The following PITRM1 variants were observed in gnomAD, a reference collection of about 807,000 sequenced individuals.
PITRM1 encodes pitrilysin metallopeptidase 1.
Under a neutral mutation model 129.9 loss-of-function variants are expected in PITRM1, and 100 were observed. That is an observed-to-expected ratio of 0.77 (90% CI 0.65 to 0.91). The LOEUF is 0.91. Ranked by LOEUF, PITRM1 falls within the 40% of genes least tolerant of loss-of-function variation. PITRM1 has a pLI of 0.00. For missense variants in PITRM1, 1,471 were observed against 1,318.3 expected (o/e 1.12, Z -1.79); for synonymous variants, 591 against 508.8 (o/e 1.16, Z -2.17).
intron 14 of PITRM1, among the ~76,000 whole-genome samples, chr10:3,154,497 A>G (rs1841801746): frequency 1.3e-5 from 2 of 152,198 alleles, no homozygotes. Flanking sequence ...TAGTCATTCT[A>G]GTAGGTGTAT....
intron 13 of PITRM1, 39 bp downstream of exon 13, chr10:3,156,891 A>G: frequency 1.5e-6 from 2 of 1,361,568 alleles, no homozygotes; most frequent in Non-Finnish European, 9.9e-7. Context: ...ATAAAATTCA[A>G]CTTCAAAATT....
intron 7 of PITRM1, 30 bp from the exon 8 acceptor site, chr10:3,160,360 GT>G: frequency 6.4e-7 from 1 of 1,566,304 alleles, no homozygotes; most frequent in Non-Finnish European, 8.8e-7. Context: ...TAATTAGTCT[GT>G]TTTAGTTTAA....
chr10:3,168,587 C>A (rs533169695), intron 2 of PITRM1, among the ~76,000 whole-genome samples: 1 of 147,154 alleles, frequency 6.8e-6, no homozygotes, highest in South Asian at 2.1e-4. Flanking sequence ...ATCAAGAGGG[C>A]GGTTTCCTCC....
chr10:3,157,515 C>T lies in PITRM1; in HGVS notation c.1267G>A (p.Asp423Asn), dbSNP rs1164922922. The part of the protein sequence containing the change: ...DEVVEKGFED[D>N]RIEALLHKIE... ...TTATGAAGTAAAGCCTCAATTCGAT[C>T]ATCTTCAAATCCTTTCCTAAAGAAT... The change falls in exon 12 of 27, where the codon GAT (aspartate) becomes AAT (asparagine). Residue 423 changes from aspartate to asparagine, a missense_variant. Asp to Asn is a conservative substitution (Grantham distance 23, BLOSUM62 1). Coordinates refer to ENST00000224949, the MANE Select transcript of PITRM1 (RefSeq NM_014889.4). 6.2e-7 allele frequency: 1 copy of T among 1,601,298 alleles called. No homozygotes were observed. The highest frequency in any genetic ancestry group is 1.1e-5 in the South Asian group (1 of 90,496).
intron 23 of PITRM1, among the ~76,000 whole-genome samples, 151 bp from the exon 24 acceptor site, chr10:3,140,963 G>A (rs1217264555): frequency 6.6e-6 from 1 of 152,196 alleles, no homozygotes; most frequent in Admixed American, 6.5e-5. Flanking sequence ...TTTTTTAAGA[G>A]ATGGGGTCTC....
At chr10:3,168,798 T>C (rs1413003821) in intron 2 of PITRM1, among the ~76,000 whole-genome samples, 2 of 152,170 alleles carry the variant, frequency 1.3e-5, no homozygotes, top group Non-Finnish European at 1.5e-5. Context: ...TCATACTTTA[T>C]AAATTACCCA....
At chr10:3,150,800 G>C (rs530011488) in intron 15 of PITRM1, among the ~76,000 whole-genome samples, 153 of 152,282 alleles carry the variant, frequency 1.0e-3, no homozygotes, top group African/African-American at 3.2e-3. Flanking sequence ...GACACGGCAG[G>C]GGGATAAACC....
intron 23 of PITRM1, chr10:3,143,078 C>T (rs1324624601): frequency 7.0e-6 from 2 of 284,136 alleles, no homozygotes; most frequent in African/African-American, 2.2e-5. Context: ...CGATTTTTAC[C>T]TAGAGATGAG....
In PITRM1 at chr10:3,159,746, A is replaced by G. The variant is rs1842284935; in HGVS notation, c.1007+102T>C. The G allele has an allele frequency of 5.9e-6, 4 of 682,764 alleles. No individual in the cohort carries two copies. In the Admixed American group the frequency reaches 9.6e-5, roughly 16 times the overall value. 42.3% of individuals were successfully genotyped at this position (682,764 alleles called of 1,614,324 possible). On this transcript the variant is annotated intron_variant, in intron 9 of 26. Coordinates refer to ENST00000224949, the MANE Select transcript of PITRM1 (RefSeq NM_014889.4). ...CACTTAACCCCTGAATCCTAACCGT[A>G]TATTAATTAACATTCAATTGTAGAA...
At chr10:3,169,081 A>T (rs1454362535) in intron 2 of PITRM1, among the ~76,000 whole-genome samples, 2 of 152,218 alleles carry the variant, frequency 1.3e-5, no homozygotes, top group East Asian at 3.9e-4. Context: ...AGCCTGGGCG[A>T]CAGGGTGAGT....
rs747247614 is a variant in PITRM1 at position 3,159,874 on chromosome 10, G to A, written c.981C>T (p.Thr327=). The change falls in exon 9 of 27, where the codon ACC becomes ACT. Residue 327 remains threonine (T), a synonymous_variant. Coordinates refer to ENST00000224949, the MANE Select transcript of PITRM1 (RefSeq NM_014889.4). The stretch of plus-strand genomic sequence containing the variant: ...CCGGTAAGAGGAAGCTAACGCTGAT[G>A]GTTGTTTGTTTAGAGGGATCTGTAG... ...SFATDPSKQT[T]ISVSFLLPDI... The A allele has an allele frequency of 6.9e-6, 11 of 1,603,662 alleles. No homozygotes were observed. Among genetic ancestry groups the A allele is most frequent in the East Asian group, 4.5e-5 (2 of 44,736 alleles).
In PITRM1 at chr10:3,159,883, T is replaced by A; in HGVS notation, c.972A>T (p.Lys324Asn). 1 of 1,605,892 alleles carries A rather than the reference T, an allele frequency of 6.2e-7. No individual in the cohort carries two copies. Among genetic ancestry groups the A allele is most frequent in the South Asian group, 1.1e-5 (1 of 89,112 alleles). Reference protein sequence around the residue: ...GPDSFATDPSKQTTISVSFLL... With the variant: ...GPDSFATDPSNQTTISVSFLL... ...GGAAGCTAACGCTGATGGTTGTTTG[T>A]TTAGAGGGATCTGTAGCAAATGAAT... Residue 324 changes from lysine to asparagine, a missense_variant, in exon 9 of 27, where the codon AAA becomes AAT. Lys to Asn is a moderately conservative substitution (Grantham distance 94). Coordinates refer to ENST00000224949, the MANE Select transcript of PITRM1 (RefSeq NM_014889.4).
At chr10:3,150,757 C>T (rs932578249) in intron 15 of PITRM1, among the ~76,000 whole-genome samples, 7 of 152,086 alleles carry the variant, frequency 4.6e-5, no homozygotes, top group Non-Finnish European at 4.4e-5. Context: ...AAACGTGTCA[C>T]GGAACAAAAC....
chr10:3,164,499 TA>T (rs1842704804), intron 6 of PITRM1, among the ~76,000 whole-genome samples: 1 of 152,136 alleles, frequency 6.6e-6, no homozygotes, highest in Non-Finnish European at 1.5e-5. Context: ...AATTTTTTTG[TA>T]AAAAATCAGA....
intron 23 of PITRM1, 147 bp from the exon 24 acceptor site, chr10:3,140,959 A>G: frequency 1.4e-6 from 1 of 734,918 alleles, no homozygotes. Context: ...CTTGTTTTTT[A>G]AGAGATGGGG....
At chr10:3,152,366 T>C (rs1022806601) in intron 14 of PITRM1, among the ~76,000 whole-genome samples, 4 of 152,198 alleles carry the variant, frequency 2.6e-5, no homozygotes, top group African/African-American at 9.6e-5. Flanking sequence ...GTTCCCACTT[T>C]AACTCAGTCC....
intron 6 of PITRM1, among the ~76,000 whole-genome samples, chr10:3,164,458 GA>G (rs1163365670): frequency 6.6e-6 from 1 of 152,102 alleles, no homozygotes; most frequent in African/African-American, 2.4e-5. Context: ...TTTACACTCT[GA>G]AAAATTAACC....
In PITRM1 at chr10:3,137,886, C is replaced by T. The variant is rs933846428; in HGVS notation, c.*145G>A. 3 of 609,992 alleles carry T rather than the reference C, an allele frequency of 4.9e-6. No homozygotes were observed. Among genetic ancestry groups the T allele is most frequent in the Non-Finnish European group, 8.8e-6 (3 of 342,066 alleles). 37.8% of individuals were successfully genotyped at this position (609,992 alleles called of 1,614,324 possible). ...CTTCCTGGTCACTCTTAAGATAGAT[C>T]TGAGTTTTTGACTCGCCAGTCAAGG... On this transcript the variant is annotated 3_prime_UTR_variant, in exon 27 of 27. Coordinates refer to ENST00000224949, the MANE Select transcript of PITRM1 (RefSeq NM_014889.4).
chr10:3,156,781 G>T, intron 13 of PITRM1, 149 bp downstream of exon 13: 1 of 545,548 alleles, frequency 1.8e-6, no homozygotes, highest in Non-Finnish European at 3.1e-6. Context: ...AAATAATTAA[G>T]TTAATGTAAG....
Sources: allele counts gnomAD v4.1 joint callset (sites outside exome capture counted in the v4.1 genomes callset), GRCh38; gene constraint gnomAD v4.1.1; transcripts MANE v1.5; gene names NCBI Gene and HGNC (gene_info 2026-07-23, HGNC 2026-07-21).